The following LAMA2 variants were observed in gnomAD, a reference collection of about 807,000 sequenced individuals.
The protein encoded by LAMA2 is laminin subunit alpha 2.
LAMA2 carries 269 observed loss-of-function variants against 364.8 expected under a neutral mutation model. That is an observed-to-expected ratio of 0.74 (90% CI 0.67 to 0.82). The LOEUF (loss-of-function observed/expected upper bound fraction) is 0.82. LAMA2 is among the 40% of genes least tolerant of loss of function. The pLI, the probability that LAMA2 is intolerant of heterozygous loss-of-function variation, is 0.00. For missense variants in LAMA2, 3,807 were observed against 3,873.2 expected (o/e 0.98, Z 0.45); for synonymous variants, 1,379 against 1,370.6 (o/e 1.01, Z -0.14).
At chr6:129,404,001 CT>C (rs2114698041) in intron 40 of LAMA2, 42 bp downstream of exon 40, 1 of 1,609,374 alleles carries the variant, frequency 6.2e-7, no homozygotes. Flanking sequence ...GGAAGTCAAC[CT>C]TTTTGAATTT....
chr6:129,400,215 T>A (rs1217952740), intron 37 of LAMA2, among the ~76,000 whole-genome samples: 1 of 152,186 alleles, frequency 6.6e-6, no homozygotes, highest in African/African-American at 2.4e-5. Context: ...TTATGAAGTC[T>A]CTGCTTCATG....
intron 44 of LAMA2, among the ~76,000 whole-genome samples, chr6:129,444,795 C>T (rs1376586729): frequency 1.3e-5 from 2 of 152,170 alleles, no homozygotes; most frequent in African/African-American, 4.8e-5. Flanking sequence ...ACTTTTTCAT[C>T]AGAGTCACAG....
chr6:129,183,412 C>T (rs1781045900), intron 10 of LAMA2, among the ~76,000 whole-genome samples: 1 of 151,868 alleles, frequency 6.6e-6, no homozygotes, highest in Non-Finnish European at 1.5e-5. Flanking sequence ...AAGTAGAAGA[C>T]TAGAAATCAA....
rs753252236 is a variant in LAMA2, at chr6:129,512,461, G to A, written c.8956G>A (p.Asp2986Asn). The change falls in exon 63 of 65, where the codon GAT becomes AAT. Residue 2986 changes from aspartate to asparagine, a missense_variant. Around this residue, in one of 3 missense-constraint regions of LAMA2, gnomAD observed 3,333 missense variants for 3,345.7 expected, o/e 1.00. Transcript: ENST00000421865. The stretch of plus-strand genomic sequence containing the variant: ...TCTGGGGATCAGTAGTCAAAAAATG[G>A]ATGGAATGGGTATTGAAATGATTGA... ...VLLGISSQKM[D>N]GMGIEMIDEK... 1.9e-6 allele frequency: 3 copies of A among 1,613,506 alleles called. No individual in the cohort carries two copies. The African/African-American group carries it at 4.0e-5, about 22-fold the overall frequency.
chr6:129,244,490 A>C (rs977361134), intron 12 of LAMA2, among the ~76,000 whole-genome samples: 1 of 152,136 alleles, frequency 6.6e-6, no homozygotes, highest in Admixed American at 6.6e-5. Flanking sequence ...TCAGTATTAT[A>C]AAGCCTTTTT....
At chr6:129,495,951 T>A (rs1785158588) in intron 58 of LAMA2, among the ~76,000 whole-genome samples, 1 of 152,066 alleles carries the variant, frequency 6.6e-6, no homozygotes, top group African/African-American at 2.4e-5. Context: ...AAGCAAAAAG[T>A]TGAGTAGCAT....
chr6:129,056,133 T>C (rs890425788), intron 2 of LAMA2, among the ~76,000 whole-genome samples: 1 of 152,210 alleles, frequency 6.6e-6, no homozygotes, highest in Non-Finnish European at 1.5e-5. Context: ...TTCTATCACA[T>C]ATTAAACGCA....
chr6:129,075,137 A>G (rs558949754), intron 3 of LAMA2, among the ~76,000 whole-genome samples: 1 of 152,320 alleles, frequency 6.6e-6, no homozygotes, highest in South Asian at 2.1e-4. Context: ...ATTTACATGT[A>G]TGTTCTATGT....
intron 1 of LAMA2, among the ~76,000 whole-genome samples, chr6:128,997,062 T>A (rs916665001): frequency 2.7e-5 from 4 of 145,872 alleles, no homozygotes; most frequent in Non-Finnish European, 4.5e-5. Flanking sequence ...CACTCATAAG[T>A]GGGTGTTGAA....
intron 53 of LAMA2, among the ~76,000 whole-genome samples, chr6:129,476,711 C>T (rs1158725574): frequency 6.6e-6 from 1 of 152,078 alleles, no homozygotes; most frequent in Non-Finnish European, 1.5e-5. Context: ...AGCAAGTGAA[C>T]ACTGTTAATG....
At chr6:129,228,607 T>C (rs1444983095) in intron 12 of LAMA2, among the ~76,000 whole-genome samples, 6 of 152,206 alleles carry the variant, frequency 3.9e-5, no homozygotes, top group Admixed American at 3.9e-4. Context: ...ATTAGTATCA[T>C]AACACATGTG....
At chr6:128,892,383 T>G (rs531002522) in intron 1 of LAMA2, among the ~76,000 whole-genome samples, 1 of 152,178 alleles carries the variant, frequency 6.6e-6, no homozygotes, top group African/African-American at 2.4e-5. Flanking sequence ...AATTTGTAGT[T>G]ATTCATACTT....
intron 1 of LAMA2, among the ~76,000 whole-genome samples, chr6:128,896,409 ATTT>A (rs1170937153): frequency 7.1e-6 from 1 of 140,410 alleles, no homozygotes. Context: ...CCCTCCTTCC[ATTT>A]TTTTTTTTTT....
intron 30 of LAMA2, among the ~76,000 whole-genome samples, chr6:129,345,008 G>A (rs2501458): frequency 0.83 from 125,710 of 152,146 alleles, 52,013 homozygotes; most frequent in Admixed American, 0.87. Context: ...GTTGCAAGGG[G>A]TCAGAAGGCA....
intron 12 of LAMA2, among the ~76,000 whole-genome samples, chr6:129,205,493 T>TATATATATATATATATATATACAC (rs1343472728): frequency 2.6e-4 from 27 of 104,250 alleles, no homozygotes; most frequent in African/African-American, 8.2e-4. Context: ...TATATATATA[T>TATATATATATATATATATATACAC]ACACACACAC....
intron 20 of LAMA2, 80 bp from the exon 21 acceptor site, chr6:129,297,605 T>G: frequency 3.3e-5 from 44 of 1,331,390 alleles, no homozygotes; most frequent in Non-Finnish European, 4.3e-5. Flanking sequence ...TGTTCCCACC[T>G]GATCTTTGGT....
intron 4 of LAMA2, among the ~76,000 whole-genome samples, chr6:129,129,461 T>C (rs1461487690): frequency 2.6e-5 from 4 of 152,194 alleles, no homozygotes; most frequent in Non-Finnish European, 4.4e-5. Flanking sequence ...GGATGATGTT[T>C]ATGCCATAAG....
rs1785046540 is a variant in LAMA2, at chr6:129,494,412, A to G, written c.8244+1929A>G. ...ATATTTCATCTATCTTGCCTACAAC[A>G]TAGAGTTATGAAAAATCAAATGGGA... On this transcript the variant is annotated intron_variant, in intron 58 of 64. Transcript: ENST00000421865. 2.0e-5 allele frequency among the ~76,000 whole-genome samples: 3 copies of G among 152,346 alleles called. No individual in the cohort carries two copies. The South Asian group carries it at 6.2e-4, about 32-fold the overall frequency.
In LAMA2 at chr6:128,904,167, C is replaced by G. The variant is rs144087399; in HGVS notation, c.112+20810C>G. Among the ~76,000 whole-genome samples the G allele has an allele frequency of 1.8e-3, 278 of 152,258 alleles. 8 individuals are homozygous for G. The East Asian group carries it at 0.05, about 27-fold the overall frequency. ...TCACTCACTAGGTCTTGTGCACCTC[C>G]TCCGCCTCTTTTCTGTCTGGAGTTA... On this transcript the variant is annotated intron_variant, in intron 1 of 64. Coordinates refer to ENST00000421865, the MANE Select transcript of LAMA2 (RefSeq NM_000426.4).
Sources: gnomAD v4.1 joint callset for allele counts (sites outside exome capture counted in the v4.1 genomes callset) on GRCh38, gnomAD v4.1.1 for gene constraint, gnomAD v4.1.1 regional missense constraint, MANE v1.5 for transcripts, NCBI Gene and HGNC (gene_info 2026-07-23, HGNC 2026-07-21) for gene names.